Variants in HOMER3 observed in about 807,000 individuals in gnomAD.
HOMER3 encodes the protein homer scaffold protein 3.
Under a neutral mutation model 45.5 loss-of-function variants are expected in HOMER3, and 34 were observed. The ratio of observed to expected loss-of-function variants is 0.75; its 90% CI spans 0.57 to 1.00. The LOEUF (loss-of-function observed/expected upper bound fraction) is 1.00, where lower values mean the gene tolerates loss of function less well. HOMER3 is among the 50% of genes least tolerant of loss of function. The pLI, the probability that HOMER3 is intolerant of heterozygous loss-of-function variation, is 0.00. For synonymous variants in HOMER3, 223 were observed against 208.8 expected, an observed-to-expected ratio of 1.07 and a Z score of -0.58; for missense variants, 480 against 497.5, an observed-to-expected ratio of 0.96 and a Z score of 0.33.
In HOMER3 at chr19:18,934,338, G is replaced by T; in HGVS notation, c.376C>A (p.Leu126Ile). 6.3e-7 allele frequency: 1 copy of T among 1,585,178 alleles called. No homozygotes were observed. The highest frequency in any genetic ancestry group is 8.6e-7 in the Non-Finnish European group (1 of 1,166,180). ...GCGAGCCCCAGGGCTGGACTGGTGA[G>T]CTCCCCGCCATCCTGAGATTTCTCC... ...AREKSQDGGE[L>I]TSPALGLASH... is the part of the protein sequence containing the mutation. The change falls in exon 5 of 10, where the codon CTC becomes ATC. Residue 126 changes from leucine (L) to isoleucine (I), a missense_variant. By Grantham distance (5) the Leu-to-Ile change is conservative. Coordinates refer to ENST00000392351, the MANE Select transcript of HOMER3 (RefSeq NM_004838.4).
In HOMER3 at chr19:18,938,792, G is replaced by C. The variant is rs1421178660; in HGVS notation, c.107C>G (p.Thr36Ser). Residue 36 changes from threonine to serine, a missense_variant, in exon 3 of 10, where the codon ACT becomes AGT. Transcript: ENST00000392351. Reference sequence around the variant, plus strand: ...GGTGGCATCGTAGAAATAGGAGACAGTGAGTGCGTGCTTGCCCGCTGGGAT... The same window carrying C: ...GGTGGCATCGTAGAAATAGGAGACACTGAGTGCGTGCTTGCCCGCTGGGAT... ...NWIPAGKHAL[T>S]VSYFYDATRN... The C allele has an allele frequency of 1.9e-6, 3 of 1,600,330 alleles. No homozygotes were observed. The highest frequency in any genetic ancestry group is 2.6e-6 in the Non-Finnish European group (3 of 1,173,754).
At chr19:18,938,321 G>A in intron 4 of HOMER3, 32 bp downstream of exon 4, 1 of 1,588,192 alleles carries the variant, frequency 6.3e-7, no homozygotes, top group Non-Finnish European at 8.6e-7. Flanking sequence ...AGTCTCATCG[G>A]TTCCCTCCAC....
Position 18,929,310 on chromosome 19 carries a change from C to T in HOMER3, c.*133G>A. 9.7e-7 allele frequency: 1 copy of T among 1,031,818 alleles called. No homozygotes were observed. Among genetic ancestry groups the T allele is most frequent in the Non-Finnish European group, 1.5e-6 (1 of 662,746 alleles). 63.9% of individuals were successfully genotyped at this position (1,031,818 alleles called of 1,614,324 possible). On this transcript the variant is annotated 3_prime_UTR_variant, in exon 10 of 10. Transcript: ENST00000392351. The stretch of plus-strand genomic sequence containing the variant: ...GAGCCGACTGGGGCCCACCCCAGCC[C>T]AGCCCGGCCCGGCCCACCCAGGGCT...
At chr19:18,931,276 G>A in intron 9 of HOMER3, 49 bp downstream of exon 9, 1 of 1,465,766 alleles carries the variant, frequency 6.8e-7, no homozygotes, top group Non-Finnish European at 9.5e-7. Flanking sequence ...AGTGTCTGTT[G>A]AGGTGACTGT....
chr19:18,933,110 G>C (rs1444300351), intron 5 of HOMER3, 65 bp from the exon 6 acceptor site: 9 of 1,407,834 alleles, frequency 6.4e-6, no homozygotes, highest in Non-Finnish European at 8.4e-6. Flanking sequence ...GATGTGACTG[G>C]GGTCGTCACA....
In HOMER3 at chr19:18,931,615, AG is replaced by A; in HGVS notation, c.700del (p.Leu234TrpfsTer9). 6.2e-7 allele frequency: 1 copy of A among 1,608,054 alleles called. No individual in the cohort carries two copies. Among genetic ancestry groups the A allele is most frequent in the Non-Finnish European group, 8.5e-7 (1 of 1,177,420 alleles). On this transcript the variant is annotated frameshift_variant, in exon 8 of 10. Transcript: ENST00000392351. LOFTEE classifies it high-confidence loss of function. ...CACCTCTGAAGCTGCCTGAGCCTCC[AG>A]CTCAGCCACCTGTAGGGCAGGAATA... The part of the protein sequence containing the change: ...AERLRQRVAE[L>X]EAQAASEVTP...
intron 6 of HOMER3, among the ~76,000 whole-genome samples, chr19:18,932,519 T>C (rs1350501674): frequency 1.3e-5 from 2 of 151,536 alleles, no homozygotes; most frequent in East Asian, 3.9e-4. Context: ...GATGGGGCAG[T>C]CCCGCAGAAG....
intron 9 of HOMER3, 130 bp downstream of exon 9, chr19:18,931,195 C>T (rs915007614): frequency 9.4e-5 from 72 of 763,720 alleles, no homozygotes; most frequent in Non-Finnish European, 1.4e-4. Context: ...CACGCGGCAC[C>T]TGCTGGGCAT....
chr19:18,933,546 G>A (rs1327206552), intron 5 of HOMER3, among the ~76,000 whole-genome samples: 1 of 152,200 alleles, frequency 6.6e-6, no homozygotes, highest in Non-Finnish European at 1.5e-5. Flanking sequence ...CCCAGTGCAG[G>A]CAGCAGCTGG....
rs147086095 is a variant in HOMER3 at position 18,931,147 on chromosome 19, C to A, written c.894+178G>T. 785 of 585,924 alleles carry A rather than the reference C, an allele frequency of 1.3e-3. 4 individuals carry two copies. Among genetic ancestry groups the A allele is most frequent in the African/African-American group, 0.013 (716 of 53,922 alleles). The allele number at this position is 585,924 out of a possible 1,614,324, so 36.3% of individuals were successfully genotyped here. A position where few individuals can be genotyped will look rare whatever the true frequency, so the allele number is the denominator to read the frequency against. On this transcript the variant is annotated intron_variant, in intron 9 of 9. Transcript: ENST00000392351. ...GGAACTCAAGCATTGCTTGTTGAAC[C>A]CATAGATGGATATGAAACTGTACCA... is the stretch of plus-strand genomic sequence containing the variant.
rs2057038532 is a variant in HOMER3, at chr19:18,932,003, A to G, written c.663T>C (p.Arg221=). Reference sequence around the variant, plus strand: ...GCTGCCGCAGCCGCTCGGCCTCTGCACGCTGAGCCTCCAGCTGCTGCCTCC... The same window carrying G: ...GCTGCCGCAGCCGCTCGGCCTCTGCGCGCTGAGCCTCCAGCTGCTGCCTCC... The part of the protein sequence containing the change: ...AQWRQQLEAQ[R]AEAERLRQRV... The change falls in exon 7 of 10, where the codon CGT becomes CGC. Residue 221 remains arginine (R), a synonymous_variant. Coordinates refer to ENST00000392351, the MANE Select transcript of HOMER3 (RefSeq NM_004838.4). 2 of 1,545,300 alleles carry G rather than the reference A, an allele frequency of 1.3e-6. No individual in the cohort carries two copies. Among genetic ancestry groups the G allele is most frequent in the Non-Finnish European group, 1.7e-6 (2 of 1,145,708 alleles).
rs201661602 is a variant in HOMER3, at chr19:18,931,436, C to T, written c.808-25G>A. The T allele has an allele frequency of 2.1e-4, 341 of 1,613,468 alleles. 1 individual carries two copies. Among genetic ancestry groups the T allele is most frequent in the Non-Finnish European group, 2.8e-4 (331 of 1,179,526 alleles). Reference sequence around the variant, plus strand: ...CCTAGAGGAGAAGAGTTCCCAGGGTCTGTTGCGGGGGTCCTGGCTTTCCCA... The same window carrying T: ...CCTAGAGGAGAAGAGTTCCCAGGGTTTGTTGCGGGGGTCCTGGCTTTCCCA... On this transcript the variant is annotated intron_variant, in intron 8 of 9. Coordinates refer to ENST00000392351, the MANE Select transcript of HOMER3 (RefSeq NM_004838.4).
rs775025710 is a variant in HOMER3, at chr19:18,938,796, G to C, written c.103C>G (p.Leu35Val). 33 of 1,600,486 alleles carry C rather than the reference G, an allele frequency of 2.1e-5. No homozygotes were observed. The highest frequency in any genetic ancestry group is 2.6e-5 in the Non-Finnish European group (31 of 1,173,806). ...GCATCGTAGAAATAGGAGACAGTGA[G>C]TGCGTGCTTGCCCGCTGGGATCCAG... ...RNWIPAGKHA[L>V]TVSYFYDATR... The change falls in exon 3 of 10, where the codon CTC (leucine) becomes GTC (valine). Residue 35 changes from leucine to valine, a missense_variant. Transcript: ENST00000392351.
rs746464111 is a variant in HOMER3 at position 18,929,320 on chromosome 19, C to A, written c.*123G>T. 3.4e-6 allele frequency: 4 copies of A among 1,166,454 alleles called. No individual in the cohort carries two copies. Among genetic ancestry groups the A allele is most frequent in the South Asian group, 2.4e-5 (2 of 81,978 alleles). The allele number at this position is 1,166,454 out of a possible 1,614,324, so 72.3% of individuals were successfully genotyped here. On this transcript the variant is annotated 3_prime_UTR_variant, in exon 10 of 10. Transcript: ENST00000392351. ...GGGCCCACCCCAGCCCAGCCCGGCC[C>A]GGCCCACCCAGGGCTAAGTTGGGAC...
intron 6 of HOMER3, among the ~76,000 whole-genome samples, chr19:18,932,540 T>C (rs2057047758): frequency 1.3e-5 from 2 of 151,688 alleles, no homozygotes; most frequent in African/African-American, 4.9e-5. Context: ...CGGGGTCTTG[T>C]CGAGGACCGA....
At chr19:18,936,245 G>A (rs1180656935) in intron 4 of HOMER3, among the ~76,000 whole-genome samples, 5 of 150,358 alleles carry the variant, frequency 3.3e-5, no homozygotes, top group South Asian at 2.1e-4. Flanking sequence ...CCGGGGAGGC[G>A]GAAGTTGCGG....
intron 4 of HOMER3, 140 bp from the exon 5 acceptor site, chr19:18,934,550 GA>G: frequency 2.0e-6 from 1 of 495,072 alleles, no homozygotes; most frequent in Non-Finnish European, 3.6e-6. Flanking sequence ...GAGAAACTTT[GA>G]AAAATGATGT....
Position 18,932,995 on chromosome 19 carries a change from C to T in HOMER3, c.462G>A (p.Leu154=), listed in dbSNP as rs753931987. Residue 154 remains leucine (L), a synonymous_variant, in exon 6 of 10, where the codon CTG becomes CTA. Transcript: ENST00000392351. ...VSANGPGEEK[L]FRSQSADAPG... is the part of the protein sequence containing the mutation. ...GGGCATCAGCGCTCTGGCTGCGGAA[C>T]AGTTTTTCCTCGCCGGGGCCGTTGG... The T allele has an allele frequency of 1.4e-6, 2 of 1,474,904 alleles. No individual in the cohort carries two copies. The highest frequency in any genetic ancestry group is 1.8e-6 in the Non-Finnish European group (2 of 1,116,368). 91.4% of individuals were successfully genotyped at this position (1,474,904 alleles called of 1,614,324 possible).
At chr19:18,937,705 G>A (rs1005310783) in intron 4 of HOMER3, among the ~76,000 whole-genome samples, 7 of 150,986 alleles carry the variant, frequency 4.6e-5, no homozygotes, top group Admixed American at 6.6e-5. Flanking sequence ...GAAGATCTTC[G>A]TGAAAGCACT....
Sources: allele counts gnomAD v4.1 joint callset (sites outside exome capture counted in the v4.1 genomes callset), GRCh38; gene constraint gnomAD v4.1.1; transcripts MANE v1.5; gene names NCBI Gene and HGNC (gene_info 2026-07-23, HGNC 2026-07-21).